The following STK39 variants were observed in gnomAD, a reference collection of about 807,000 sequenced individuals.
STK39 encodes the protein serine/threonine kinase 39, also known as STE20/SPS1-related proline-alanine-rich protein kinase.
STK39 carries 20 observed loss-of-function variants against 77.8 expected under a neutral mutation model. The ratio of observed to expected loss-of-function variants is 0.26; its 90% CI spans 0.18 to 0.37. STK39 has a LOEUF of 0.37. Ranked by LOEUF, STK39 falls within the 10% of genes least tolerant of loss-of-function variation. STK39 has a pLI of 1.00. For missense variants in STK39, 479 were observed against 656.5 expected, an observed-to-expected ratio of 0.73 and a Z score of 2.95; for synonymous variants, 246 against 234.1, an observed-to-expected ratio of 1.05 and a Z score of -0.47.
intron 10 of STK39, among the ~76,000 whole-genome samples, chr2:168,082,143 A>C (rs937316399): frequency 6.6e-6 from 1 of 151,898 alleles, no homozygotes; most frequent in Non-Finnish European, 1.5e-5. Context: ...CTCTGGGAGC[A>C]CTCCTCATGT....
At chr2:168,021,515 C>T (rs1371948363) in intron 14 of STK39, among the ~76,000 whole-genome samples, 1 of 152,034 alleles carries the variant, frequency 6.6e-6, no homozygotes, top group East Asian at 1.9e-4. Flanking sequence ...ATTGAAAGTA[C>T]ATTTACTTTA....
chr2:168,246,518 G>A (rs115292050), intron 1 of STK39, among the ~76,000 whole-genome samples: 4,470 of 152,342 alleles, frequency 0.029, 132 homozygotes, highest in African/African-American at 0.079. Context: ...CAGGAGGCCA[G>A]GGCACCCGCT....
intron 10 of STK39, among the ~76,000 whole-genome samples, chr2:168,098,317 C>T (rs889766356): frequency 4.6e-5 from 7 of 152,288 alleles, no homozygotes; most frequent in Admixed American, 2.0e-4. Flanking sequence ...TTTATACTAG[C>T]GTCCTTTACT....
At chr2:168,216,346 G>A (rs187505366) in intron 1 of STK39, among the ~76,000 whole-genome samples, 1 of 152,326 alleles carries the variant, frequency 6.6e-6, no homozygotes, top group East Asian at 1.9e-4. Context: ...TCGACTTGAG[G>A]TTGGTTTGGG....
At position 168,163,870 on chromosome 2, in the gene STK39, C is replaced by T; in HGVS notation, c.441G>A (p.Leu147=). Residue 147 remains leucine (L), a synonymous_variant, in exon 4 of 18, where the codon TTG becomes TTA. Transcript: ENST00000355999. ...VMKLLSGGSM[L]DIIKYIVNRG... ...GGTTGACAATGTATTTTATGATATC[C>T]AACATTGAACCTAAGTAGACAAACA... is the stretch of plus-strand genomic sequence containing the variant. 3 of 1,613,570 alleles carry T rather than the reference C, an allele frequency of 1.9e-6. No homozygotes were observed. Among genetic ancestry groups the T allele is most frequent in the Non-Finnish European group, 2.5e-6 (3 of 1,179,832 alleles).
At chr2:168,004,995 CTCTTTTT>C (rs1454260650) in intron 16 of STK39, among the ~76,000 whole-genome samples, 2 of 123,144 alleles carry the variant, frequency 1.6e-5, no homozygotes, top group Non-Finnish European at 1.6e-5. Flanking sequence ...ACAGAAGGCC[CTCTTTTT>C]TTTTTTTTTT....
chr2:168,188,736 C>T (rs572787274), intron 1 of STK39, among the ~76,000 whole-genome samples: 9 of 152,328 alleles, frequency 5.9e-5, no homozygotes, highest in African/African-American at 1.7e-4. Flanking sequence ...CTTATCACAG[C>T]GACTCTTCTG....
Position 168,199,531 on chromosome 2 carries a change from C to T in STK39, c.209-17441G>A, listed in dbSNP as rs1014890869. The stretch of plus-strand genomic sequence containing the variant: ...AGGAAATGGTAATCCTGCATTTTAA[C>T]TTTTTTTTTTTTTTTAGACAGAGTC... On this transcript the variant is annotated intron_variant, in intron 1 of 17. Coordinates refer to ENST00000355999, the MANE Select transcript of STK39 (RefSeq NM_013233.3). 3.2e-3 allele frequency among the ~76,000 whole-genome samples: 467 copies of T among 144,552 alleles called. 2 individuals carry two copies. The highest frequency in any genetic ancestry group is 0.011 in the African/African-American group (448 of 39,614). 94.8% of individuals were successfully genotyped at this position (144,552 alleles called of 152,430 possible).
intron 14 of STK39, among the ~76,000 whole-genome samples, chr2:168,049,634 T>C (rs982257712): frequency 3.9e-5 from 6 of 152,194 alleles, no homozygotes; most frequent in African/African-American, 1.4e-4. Context: ...TATTTCACAG[T>C]GTTGTCAGAA....
At chr2:168,092,584 A>C (rs2105436264) in intron 10 of STK39, among the ~76,000 whole-genome samples, 1 of 152,344 alleles carries the variant, frequency 6.6e-6, no homozygotes, top group African/African-American at 2.4e-5. Flanking sequence ...ATACCGTTTA[A>C]AAAATTCAAG....
intron 10 of STK39, among the ~76,000 whole-genome samples, chr2:168,086,914 T>C (rs948439435): frequency 2.0e-5 from 3 of 152,176 alleles, no homozygotes; most frequent in African/African-American, 7.2e-5. Context: ...CAATATGGCA[T>C]TTCCCCAAGT....
intron 10 of STK39, among the ~76,000 whole-genome samples, chr2:168,091,643 C>A (rs1686527842): frequency 6.6e-6 from 1 of 152,170 alleles, no homozygotes; most frequent in African/African-American, 2.4e-5. Flanking sequence ...AAAAACAGAC[C>A]TTCAACTTTC....
chr2:168,174,174 T>C (rs1365285848), intron 2 of STK39, among the ~76,000 whole-genome samples: 1 of 152,200 alleles, frequency 6.6e-6, no homozygotes, highest in Non-Finnish European at 1.5e-5. Flanking sequence ...AATTTTGTGA[T>C]AGCCTTAATT....
In STK39 at chr2:168,247,283, T is replaced by TTCC; in HGVS notation, c.152_153insGGA (p.Ala51_Gln52insGlu). 1 of 906,434 alleles carries TTCC rather than the reference T, an allele frequency of 1.1e-6. No individual in the cohort carries two copies. The highest frequency in any genetic ancestry group is 1.3e-6 in the Non-Finnish European group (1 of 741,480). The allele number at this position is 906,434 out of a possible 1,614,324, so 56.1% of individuals were successfully genotyped here. A position where few individuals can be genotyped will look rare whatever the true frequency, so the allele number is the denominator to read the frequency against. On this transcript the variant is annotated inframe_insertion, in exon 1 of 18. Coordinates refer to ENST00000355999, the MANE Select transcript of STK39 (RefSeq NM_013233.3). ...TGCAGATGGGCCAGCCGACAGCCTG[T>TTCC]GCCGCCGGGGCCGGGGCCGGGGCCG...
chr2:168,161,908 G>T, intron 4 of STK39, 66 bp from the exon 5 acceptor site: 1 of 1,222,608 alleles, frequency 8.2e-7, no homozygotes, highest in South Asian at 1.4e-5. Flanking sequence ...GATTCACTCA[G>T]GAAGATTTTA....
chr2:168,184,120 A>C (rs1285347397), intron 1 of STK39, among the ~76,000 whole-genome samples: 1 of 152,246 alleles, frequency 6.6e-6, no homozygotes, highest in Non-Finnish European at 1.5e-5. Flanking sequence ...ACAGGAAAGA[A>C]TAAATTAATT....
intron 10 of STK39, among the ~76,000 whole-genome samples, chr2:168,080,708 C>T (rs1399344993): frequency 6.6e-6 from 1 of 152,218 alleles, no homozygotes; most frequent in Non-Finnish European, 1.5e-5. Context: ...GTGGCAGCCC[C>T]TCCCCTCACA....
intron 1 of STK39, among the ~76,000 whole-genome samples, chr2:168,203,895 G>C (rs995093973): frequency 1.3e-5 from 2 of 152,212 alleles, no homozygotes; most frequent in Non-Finnish European, 2.9e-5. Context: ...CACCCAGCCA[G>C]AGCTGAGTCG....
intron 10 of STK39, among the ~76,000 whole-genome samples, chr2:168,089,119 G>C (rs535438108): frequency 6.5e-4 from 99 of 152,306 alleles, no homozygotes; most frequent in Non-Finnish European, 1.3e-3. Flanking sequence ...AGCTCCAGGA[G>C]AAAGTGAGGA....
Sources: gnomAD v4.1 joint callset for allele counts (sites outside exome capture counted in the v4.1 genomes callset) on GRCh38, gnomAD v4.1.1 for gene constraint, MANE v1.5 for transcripts, NCBI Gene and HGNC (gene_info 2026-07-23, HGNC 2026-07-21) for gene names.